RGMA: variants seen among roughly 807,000 people sequenced by gnomAD.
RGMA encodes the protein repulsive guidance molecule A.
RGMA carries 10 observed loss-of-function variants against 23.2 expected under a neutral mutation model. The ratio of observed to expected loss-of-function variants is 0.43; its 90% confidence interval spans 0.27 to 0.73. The LOEUF is 0.73. RGMA is among the 30% of genes least tolerant of loss of function. The probability of loss-of-function intolerance (pLI) is 0.20; values close to 1 mark genes in which losing one functional copy is unlikely to be tolerated. For missense variants in RGMA, 547 were observed against 630.5 expected (o/e 0.87, Z 1.42); for synonymous variants, 308 against 279.3 (o/e 1.10, Z -1.03).
chr15:93,045,519 C>T lies in RGMA; in HGVS notation c.832G>A (p.Gly278Ser), dbSNP rs752807218. The change falls in exon 4 of 4, where the codon GGC (glycine) becomes AGC (serine). Residue 278 changes from glycine (G) to serine (S), a missense_variant. Around this residue, in one of 3 missense-constraint regions of RGMA, gnomAD observed 128 missense variants for 191.7 expected, o/e 0.67. Coordinates refer to ENST00000329082, the MANE Select transcript of RGMA (RefSeq NM_020211.3). The surrounding 1 kb of genome is among the most constrained non-coding windows in gnomAD (Gnocchi z 6.9). Reference sequence around the variant, plus strand: ...ACCTGGCGCACCACGATGGTGGTGCCGATGTACTTGGCCTGGATCTCCACG... The same window carrying T: ...ACCTGGCGCACCACGATGGTGGTGCTGATGTACTTGGCCTGGATCTCCACG... ...QHVEIQAKYIGTTIVVRQVGR... is the reference protein window; with the variant it reads ...QHVEIQAKYISTTIVVRQVGR... The T allele has an allele frequency of 4.0e-5, 64 of 1,613,118 alleles. No individual in the cohort carries two copies. In the Admixed American group the frequency reaches 4.3e-4, roughly 11 times the overall value.
intron 1 of RGMA, among the ~76,000 whole-genome samples, chr15:93,079,458 A>G (rs1188293228): frequency 2.0e-5 from 3 of 152,190 alleles, no homozygotes. Context: ...TCAGCTAGTT[A>G]AGACTTTATA....
chr15:93,070,175 T>A (rs924324605), intron 2 of RGMA, among the ~76,000 whole-genome samples: 3 of 152,184 alleles, frequency 2.0e-5, no homozygotes, highest in South Asian at 2.1e-4. Context: ...ACCCAGTAGG[T>A]TGGCCATCCA....
At position 93,045,352 on chromosome 15, in the gene RGMA, A is replaced by G. The variant is rs1469661034; in HGVS notation, c.999T>C (p.Asn333=). 6.2e-7 allele frequency: 1 copy of G among 1,611,522 alleles called. No individual in the cohort carries two copies. Among genetic ancestry groups the G allele is most frequent in the East Asian group, 2.2e-5 (1 of 44,712 alleles). The change falls in exon 4 of 4, where the codon AAT becomes AAC. Residue 333 remains asparagine (N), a synonymous_variant. Transcript: ENST00000329082. This position sits in a 1 kb window ranked among gnomAD's most constrained non-coding sequence, Gnocchi z 6.9. The stretch of plus-strand genomic sequence containing the variant: ...GCCTGCGGGCACCGGTGCCCTCAGC[A>G]TTGGTGTGGAAGGCCTGGAAGTCGA... ...QQIDFQAFHT[N]AEGTGARRLA...
rs961134381 is a variant in RGMA, at chr15:93,067,555, G to A, written c.130+5361C>T. On this transcript the variant is annotated intron_variant, in intron 2 of 3. Transcript: ENST00000329082. ...AACCAAGGTAACAGGTGTCCCCGGC[G>A]TCGGGGGGGTCTGCACTGGACCCCT... Among the ~76,000 whole-genome samples, 8 of 151,186 alleles carry A rather than the reference G, an allele frequency of 5.3e-5. No homozygotes were observed. The South Asian group carries it at 8.4e-4, about 16-fold the overall frequency.
chr15:93,081,406 T>A (rs939472981), intron 1 of RGMA, among the ~76,000 whole-genome samples: 2 of 152,220 alleles, frequency 1.3e-5, no homozygotes, highest in African/African-American at 4.8e-5. Flanking sequence ...GATGTCACCA[T>A]GAAATTCAGT....
chr15:93,088,355 G>C (rs529407499), intron 1 of RGMA: 1 of 985,470 alleles, frequency 1.0e-6, no homozygotes, highest in African/African-American at 1.7e-5. Context: ...AAGCCGGGGC[G>C]GCTTGGCAAT....
chr15:93,045,406 G>A lies in RGMA; in HGVS notation c.945C>T (p.Cys315=), dbSNP rs1214141751. The A allele has an allele frequency of 1.9e-6, 3 of 1,613,188 alleles. No homozygotes were observed. Among genetic ancestry groups the A allele is most frequent in the South Asian group, 2.2e-5 (2 of 91,074 alleles). The change falls in exon 4 of 4, where the codon TGC becomes TGT. Residue 315 remains cysteine, a synonymous_variant. Transcript: ENST00000329082. The surrounding 1 kb of genome is among the most constrained non-coding windows in gnomAD (Gnocchi z 6.9). ...GCTGGTTGAGGGGGCAGCCCCGCAGGCAGAGGTAGAGACCCTGGCTGTCCC... is the reference window on the plus strand; with the variant it reads ...GCTGGTTGAGGGGGCAGCCCCGCAGACAGAGGTAGAGACCCTGGCTGTCCC... The part of the protein sequence containing the change: ...EDWDSQGLYL[C]LRGCPLNQQI...
intron 3 of RGMA, among the ~76,000 whole-genome samples, chr15:93,051,360 TG>T (rs2054915988): frequency 6.6e-6 from 1 of 152,178 alleles, no homozygotes; most frequent in Non-Finnish European, 1.5e-5. Flanking sequence ...GGGGCACCGG[TG>T]GGCCGGGCAC....
intron 3 of RGMA, among the ~76,000 whole-genome samples, chr15:93,046,094 T>C (rs1395150419): frequency 1.3e-5 from 2 of 152,194 alleles, no homozygotes; most frequent in Admixed American, 6.5e-5. Context: ...TCCCTGTAAC[T>C]TGGGAATGTT....
rs868273851 is a variant in RGMA, at chr15:93,043,988, T to G, written c.*1010A>C. The G allele has an allele frequency of 1.3e-5, 2 of 152,128 alleles. No homozygotes were observed. The highest frequency in any genetic ancestry group is 4.8e-5 in the African/African-American group (2 of 41,354). 9.4% of individuals were successfully genotyped at this position (152,128 alleles called of 1,614,324 possible). A position where few individuals can be genotyped will look rare whatever the true frequency, so the allele number is the denominator to read the frequency against. On this transcript the variant is annotated 3_prime_UTR_variant, in exon 4 of 4. Coordinates refer to ENST00000329082, the MANE Select transcript of RGMA (RefSeq NM_020211.3). The stretch of plus-strand genomic sequence containing the variant: ...TGGCCACAGGGCTTAAGGGAAGAGA[T>G]TAGAGGTTGAAGACCCTGCCAGGGA...
chr15:93,051,238 AG>A (rs1263665063), intron 3 of RGMA, among the ~76,000 whole-genome samples: 1 of 152,210 alleles, frequency 6.6e-6, no homozygotes, highest in Non-Finnish European at 1.5e-5. Flanking sequence ...AGGGGTGGGA[AG>A]GAACAGAAAC....
intron 2 of RGMA, among the ~76,000 whole-genome samples, chr15:93,057,304 C>T (rs557166324): frequency 2.5e-4 from 38 of 152,264 alleles, no homozygotes; most frequent in African/African-American, 8.7e-4. Context: ...TATGGGATGA[C>T]ATTTGGGAGG....
In RGMA at chr15:93,072,980, C is replaced by T. The variant is rs1895382804; in HGVS notation, c.66G>A (p.Gly22=). 1.9e-6 allele frequency: 3 copies of T among 1,611,660 alleles called. No individual in the cohort carries two copies. The highest frequency in any genetic ancestry group is 2.7e-5 in the African/African-American group (2 of 74,806). ...AGAATCCCAGGGCTGAACGTCCTGC[C>T]CCTCTCCCCATACCCATCCATCCAG... The part of the protein sequence containing the change: ...GRAGWMGMGR[G]AGRSALGFWP... Residue 22 remains glycine, a synonymous_variant, in exon 2 of 4, where the codon GGG becomes GGA. Coordinates refer to ENST00000329082, the MANE Select transcript of RGMA (RefSeq NM_020211.3).
At chr15:93,064,198 G>A (rs1895065559) in intron 2 of RGMA, among the ~76,000 whole-genome samples, 1 of 152,210 alleles carries the variant, frequency 6.6e-6, no homozygotes, top group African/African-American at 2.4e-5. Context: ...CTAGGCAAGA[G>A]GAGCCCTAGG....
rs1895421634 is a variant in RGMA at position 93,073,847 on chromosome 15, C to G, written c.15-816G>C. On this transcript the variant is annotated intron_variant, in intron 1 of 3. Coordinates refer to ENST00000329082, the MANE Select transcript of RGMA (RefSeq NM_020211.3). ...CCCGGCTGCGCCCCCGTGCTGAGGG[C>G]CTGCGGGCCTAACCTTGCCACCTTG... 5 of 1,502,990 alleles carry G rather than the reference C, an allele frequency of 3.3e-6. No individual in the cohort carries two copies. In the South Asian group the frequency reaches 3.9e-5, roughly 12 times the overall value. The allele number at this position is 1,502,990 out of a possible 1,614,324, so 93.1% of individuals were successfully genotyped here.
intron 2 of RGMA, chr15:93,065,722 C>T (rs1205183835): frequency 1.4e-5 from 17 of 1,196,160 alleles, no homozygotes; most frequent in East Asian, 5.9e-5. Context: ...GGGCTCAGGC[C>T]GGGGACCATC....
At chr15:93,068,151 G>A (rs1406953265) in intron 2 of RGMA, among the ~76,000 whole-genome samples, 1 of 152,188 alleles carries the variant, frequency 6.6e-6, no homozygotes, top group African/African-American at 2.4e-5. Context: ...ATAGATTCCA[G>A]TTTTAAAACT....
chr15:93,044,736 A>G lies in RGMA; in HGVS notation c.*262T>C. Reference sequence around the variant, plus strand: ...GCCTGAGGGGATGTTTCACACATTCACACTGCAGGGGCGGGGCGAGGGGAG... The same window carrying G: ...GCCTGAGGGGATGTTTCACACATTCGCACTGCAGGGGCGGGGCGAGGGGAG... On this transcript the variant is annotated 3_prime_UTR_variant, in exon 4 of 4. Transcript: ENST00000329082. 1.9e-6 allele frequency: 1 copy of G among 521,984 alleles called. No individual in the cohort carries two copies. Among genetic ancestry groups the G allele is most frequent in the Non-Finnish European group, 3.4e-6 (1 of 292,886 alleles). 32.3% of individuals were successfully genotyped at this position (521,984 alleles called of 1,614,324 possible).
chr15:93,078,478 A>C (rs1430269783), intron 1 of RGMA, among the ~76,000 whole-genome samples: 1 of 152,128 alleles, frequency 6.6e-6, no homozygotes, highest in East Asian at 1.9e-4. Flanking sequence ...CTTATTTTTA[A>C]TTTATCCTTC....
Sources: gnomAD v4.1 joint callset for allele counts (sites outside exome capture counted in the v4.1 genomes callset) on GRCh38, gnomAD v4.1.1 for gene constraint, gnomAD v4.1.1 regional missense constraint, Gnocchi (gnomAD v3.1) non-coding constraint, MANE v1.5 for transcripts, NCBI Gene and HGNC (gene_info 2026-07-23, HGNC 2026-07-21) for gene names.